SPRY3: variants seen among roughly 807,000 people sequenced by gnomAD.
SPRY3 encodes the protein protein sprouty homolog 3.
SPRY3 carries 15 observed loss-of-function variants against 20.2 expected under a neutral mutation model. That is an observed-to-expected ratio of 0.74 (90% confidence interval 0.50 to 1.14). SPRY3 has a LOEUF of 1.14. Among genes scored for constraint, SPRY3 ranks in the 50% most tolerant of loss-of-function variants. The pLI is 0.00. For missense variants in SPRY3, 364 were observed against 363.9 expected (o/e 1.00, Z 0.00); for synonymous variants, 143 against 136.5 (o/e 1.05, Z -0.33).
chrX:155,749,910 G>T (rs367728294), intron 2 of SPRY3, among the ~76,000 whole-genome samples: 31 of 151,852 alleles, frequency 2.0e-4, no homozygotes, highest in African/African-American at 7.0e-4. Flanking sequence ...TCAGAGGAGG[G>T]ATCGAGTCTA....
At chrX:155,765,278 A>G (rs1031494212) in intron 2 of SPRY3, among the ~76,000 whole-genome samples, 3 of 125,692 alleles carry the variant, frequency 2.4e-5, no homozygotes, top group Admixed American at 7.4e-5. Flanking sequence ...TAAAAGTACA[A>G]GCTCTGGAGT....
At chrX:155,710,995 C>T (rs1036639768) in intron 2 of SPRY3, among the ~76,000 whole-genome samples, 8 of 151,822 alleles carry the variant, frequency 5.3e-5, no homozygotes, top group Non-Finnish European at 1.2e-4. Context: ...ACCATTCTTG[C>T]ATTCCTGGGA....
In SPRY3 at chrX:155,728,480, C is replaced by T. The variant is rs4104957; in HGVS notation, c.-281-39482C>T. On this transcript the variant is annotated intron_variant, in intron 2 of 3. Coordinates refer to ENST00000675360, the Ensembl canonical transcript of SPRY3. ...AGTGGGCTCTGCCCAGTTCGAACTTCCCAGTCGCTTTGTTTAACTATTCAA... is the reference window on the plus strand; with the variant it reads ...AGTGGGCTCTGCCCAGTTCGAACTTTCCAGTCGCTTTGTTTAACTATTCAA... 4.0e-3 allele frequency among the ~76,000 whole-genome samples: 606 copies of T among 152,328 alleles called. 6 individuals are homozygous for T. The highest frequency in any genetic ancestry group is 0.014 in the African/African-American group (574 of 41,584).
At chrX:155,774,017 A>C (rs201016999) in exon 4 of SPRY3, 1 of 1,613,756 alleles carries the variant, frequency 6.2e-7, no homozygotes, top group South Asian at 1.1e-5. Flanking sequence ...GTGCAAACCC[A>C]CAAGTCTGAT....
chrX:155,631,126 C>T (rs1167624434), intron 1 of SPRY3, among the ~76,000 whole-genome samples: 1 of 110,845 alleles, frequency 9.0e-6, no homozygotes. Flanking sequence ...TCCACAGGGT[C>T]TATTGCTGTC....
At chrX:155,732,143 C>T (rs1010453771) in intron 2 of SPRY3, among the ~76,000 whole-genome samples, 7 of 151,962 alleles carry the variant, frequency 4.6e-5, no homozygotes, top group African/African-American at 1.7e-4. Flanking sequence ...CCAAAATAGA[C>T]GATTCTGATG....
At chrX:155,745,143 G>A (rs1360224139) in intron 2 of SPRY3, among the ~76,000 whole-genome samples, 2 of 152,026 alleles carry the variant, frequency 1.3e-5, no homozygotes, top group Admixed American at 1.3e-4. Context: ...CTTTCCCCAA[G>A]CTTGAGAAAC....
chrX:155,667,025 C>T (rs192596538), intron 2 of SPRY3, among the ~76,000 whole-genome samples: 94 of 110,793 alleles, frequency 8.5e-4, no homozygotes, highest in Middle Eastern at 4.6e-3. Flanking sequence ...ACTACCACTA[C>T]GAAATCCAGC....
chrX:155,767,615 G>C (rs1725646699), intron 2 of SPRY3, among the ~76,000 whole-genome samples: 1 of 149,020 alleles, frequency 6.7e-6, no homozygotes, highest in African/African-American at 2.5e-5. Context: ...GGCAAGAGGA[G>C]GGGAAGGAAA....
exon 4 of SPRY3, chrX:155,774,644 C>G: frequency 6.2e-7 from 1 of 1,614,008 alleles, no homozygotes; most frequent in Non-Finnish European, 8.5e-7. Flanking sequence ...CTCCGGCGAC[C>G]AGGCTGCCGC....
chrX:155,640,978 T>C (rs1461604153), intron 1 of SPRY3, among the ~76,000 whole-genome samples: 1 of 111,851 alleles, frequency 8.9e-6, no homozygotes, highest in Non-Finnish European at 1.9e-5. Context: ...ATACCAGTAG[T>C]TAAAGTGGGC....
intron 2 of SPRY3, among the ~76,000 whole-genome samples, chrX:155,716,802 A>G (rs2091025991): frequency 6.6e-6 from 1 of 151,282 alleles, no homozygotes; most frequent in Admixed American, 6.6e-5. Flanking sequence ...AAATAACTGT[A>G]GTCCATAAGT....
intron 2 of SPRY3, among the ~76,000 whole-genome samples, chrX:155,756,086 G>C (rs1249991380): frequency 6.6e-6 from 1 of 152,032 alleles, no homozygotes; most frequent in Non-Finnish European, 1.5e-5. Flanking sequence ...TTAGTACTGG[G>C]TAGGATGTCA....
chrX:155,758,347 G>A (rs2124589254), intron 2 of SPRY3, among the ~76,000 whole-genome samples: 1 of 152,296 alleles, frequency 6.6e-6, no homozygotes, highest in South Asian at 2.1e-4. Context: ...CAGCAGGTAA[G>A]TCCAGTTTTC....
At chrX:155,696,256 CAGAGAGAG>C (rs1217974455) in intron 2 of SPRY3, among the ~76,000 whole-genome samples, 5 of 103,437 alleles carry the variant, frequency 4.8e-5, no homozygotes, top group Non-Finnish European at 7.9e-5. Flanking sequence ...CATATATATA[CAGAGAGAG>C]AGAGAGAGAG....
chrX:155,642,785 C>A (rs1208376357), intron 1 of SPRY3, among the ~76,000 whole-genome samples: 1 of 111,648 alleles, frequency 9.0e-6, no homozygotes, highest in African/African-American at 3.3e-5. Context: ...TGTATAGTTT[C>A]CAAAATTCTT....
rs1004395050 is a variant in SPRY3 at position 155,641,457 on chromosome X, G to A, written c.-440-15410G>A. 7.8e-5 allele frequency among the ~76,000 whole-genome samples: 9 copies of A among 115,095 alleles called. No individual in the cohort carries two copies. The East Asian group carries it at 1.9e-3, about 24-fold the overall frequency. On this transcript the variant is annotated intron_variant, in intron 1 of 3. Transcript: ENST00000675360. ...GATGTGGCGGCAGCCCGCGGTGAGA[G>A]AGAGACACGGATCAGACTGAGAGAA...
downstream of SPRY3, chrX:155,777,031 G>A (rs2091431522): frequency 6.0e-6 from 1 of 167,136 alleles, no homozygotes; most frequent in South Asian, 2.1e-4. Context: ...ACCAATACCT[G>A]TAACCTCTTA....
At chrX:155,700,636 TATACTCTAAG>T (rs1455632534) in intron 2 of SPRY3, among the ~76,000 whole-genome samples, 23 of 82,743 alleles carry the variant, frequency 2.8e-4, no homozygotes, top group East Asian at 6.9e-4. Context: ...TTTTTTTTAT[TATACTCTAAG>T]TTTTAGGGTA....
Sources: gnomAD v4.1 joint callset for allele counts (sites outside exome capture counted in the v4.1 genomes callset) on GRCh38, gnomAD v4.1.1 for gene constraint, MANE v1.5 for transcripts, NCBI Gene and HGNC (gene_info 2026-07-23, HGNC 2026-07-21) for gene names.